NTF3: variants seen among roughly 807,000 people sequenced by gnomAD.
The protein encoded by NTF3 is neurotrophin-3.
Under a neutral mutation model 26.3 loss-of-function variants are expected in NTF3, and 8 were observed. The observed-to-expected ratio is 0.30, with a 90% CI of 0.18 to 0.55. The LOEUF (loss-of-function observed/expected upper bound fraction) is 0.55. Ranked by LOEUF, NTF3 falls within the 20% of genes least tolerant of loss-of-function variation. The probability of loss-of-function intolerance (pLI) is 0.93; values close to 1 mark genes in which losing one functional copy is unlikely to be tolerated. For missense variants in NTF3, 276 were observed against 352.9 expected (o/e 0.78, Z 1.75); for synonymous variants, 154 against 145.5 (o/e 1.06, Z -0.42).
intron 1 of NTF3, among the ~76,000 whole-genome samples, chr12:5,469,518 T>A (rs951719095): frequency 2.0e-5 from 3 of 152,118 alleles, no homozygotes; most frequent in Non-Finnish European, 4.4e-5. Flanking sequence ...ACTGTGATTG[T>A]CACAGTGCAC....
intron 1 of NTF3, among the ~76,000 whole-genome samples, chr12:5,474,696 G>A (rs1315713873): frequency 6.6e-6 from 1 of 152,178 alleles, no homozygotes; most frequent in African/African-American, 2.4e-5. Flanking sequence ...GGGAAGGCTG[G>A]GAGAGGGCAA....
Position 5,494,100 on chromosome 12 carries a change from C to T in NTF3, c.19-94C>T. 1.6e-6 allele frequency: 2 copies of T among 1,240,650 alleles called. No individual in the cohort carries two copies. Among genetic ancestry groups the T allele is most frequent in the Non-Finnish European group, 2.3e-6 (2 of 881,182 alleles). The allele number at this position is 1,240,650 out of a possible 1,614,324, so 76.9% of individuals were successfully genotyped here. A position where few individuals can be genotyped will look rare whatever the true frequency, so the allele number is the denominator to read the frequency against. On this transcript the variant is annotated intron_variant, in intron 1 of 1. Transcript: ENST00000423158. The surrounding 1 kb of genome is among the most constrained non-coding windows in gnomAD (Gnocchi z 8.3). ...TGGGGGGCGGTACCCTCTCTCGTGCCCTCACAGGGCTACTCAGCCTCAGGT... is the reference window on the plus strand; with the variant it reads ...TGGGGGGCGGTACCCTCTCTCGTGCTCTCACAGGGCTACTCAGCCTCAGGT...
chr12:5,459,567 G>A (rs1940500552), intron 1 of NTF3, among the ~76,000 whole-genome samples: 1 of 152,332 alleles, frequency 6.6e-6, no homozygotes, highest in African/African-American at 2.4e-5. Context: ...GGAGGAACGT[G>A]CATATTGCGT....
intron 1 of NTF3, among the ~76,000 whole-genome samples, chr12:5,444,108 G>A (rs1251416495): frequency 6.6e-6 from 1 of 152,172 alleles, no homozygotes; most frequent in Non-Finnish European, 1.5e-5. Context: ...TGGGGCAGCT[G>A]TATAAAGTTA....
At chr12:5,466,263 A>AG (rs1940587723) in intron 1 of NTF3, among the ~76,000 whole-genome samples, 1 of 152,132 alleles carries the variant, frequency 6.6e-6, no homozygotes, top group Non-Finnish European at 1.5e-5. Flanking sequence ...CGGCTAACCC[A>AG]AGTCTGTCCG....
chr12:5,494,211 G>A lies in NTF3; in HGVS notation c.36G>A (p.Lys12=), dbSNP rs780625723. The A allele has an allele frequency of 1.2e-6, 2 of 1,613,580 alleles. No individual in the cohort carries two copies. The highest frequency in any genetic ancestry group is 4.5e-5 in the East Asian group (2 of 44,866). The stretch of plus-strand genomic sequence containing the variant: ...CTTTTCAGATCTTACAGGTGAACAA[G>A]GTGATGTCCATCTTGTTTTATGTGA... ...VTFATILQVN[K]VMSILFYVIF... Residue 12 remains lysine (K), a synonymous_variant, in exon 2 of 2, where the codon AAG becomes AAA. Coordinates refer to ENST00000423158, the MANE Select transcript of NTF3 (RefSeq NM_001102654.2). The surrounding 1 kb of genome is among the most constrained non-coding windows in gnomAD (Gnocchi z 8.3).
intron 1 of NTF3, among the ~76,000 whole-genome samples, chr12:5,440,569 T>A (rs1344351710): frequency 1.3e-5 from 2 of 152,184 alleles, no homozygotes; most frequent in Non-Finnish European, 2.9e-5. Flanking sequence ...GCTCTAGAAA[T>A]CACCTGCTTT....
intron 1 of NTF3, among the ~76,000 whole-genome samples, chr12:5,440,112 C>T (rs1266721576): frequency 6.6e-6 from 1 of 152,170 alleles, no homozygotes; most frequent in Non-Finnish European, 1.5e-5. Flanking sequence ...ATTCCTTCTT[C>T]CTCCACTGAT....
chr12:5,459,008 T>C (rs1591597571), intron 1 of NTF3, among the ~76,000 whole-genome samples: 1 of 152,286 alleles, frequency 6.6e-6, no homozygotes, highest in East Asian at 1.9e-4. Context: ...AAAATCCCAC[T>C]CGCCCTAGAA....
intron 1 of NTF3, among the ~76,000 whole-genome samples, chr12:5,448,738 C>A (rs1940335837): frequency 6.6e-6 from 1 of 152,126 alleles, no homozygotes; most frequent in Non-Finnish European, 1.5e-5. Context: ...GATTCCTAAG[C>A]CTGCCAGAAA....
chr12:5,440,415 T>A (rs1340258163), intron 1 of NTF3, among the ~76,000 whole-genome samples: 1 of 152,170 alleles, frequency 6.6e-6, no homozygotes, highest in Non-Finnish European at 1.5e-5. Flanking sequence ...CCCCAGCATT[T>A]AAAAATATCC....
At position 5,494,963 on chromosome 12, in the gene NTF3, T is replaced by C. The variant is rs1555074663; in HGVS notation, c.788T>C (p.Leu263Ser). The C allele has an allele frequency of 6.2e-7, 1 of 1,614,090 alleles. No homozygotes were observed. Among genetic ancestry groups the C allele is most frequent in the Non-Finnish European group, 8.5e-7 (1 of 1,180,018 alleles). The change falls in exon 2 of 2, where the codon TTG becomes TCG. Residue 263 changes from leucine to serine, a missense_variant. Physicochemically the swap from Leu to Ser is moderately radical, Grantham distance 145 (BLOSUM62 -2). This residue lies in a region of NTF3 where 52 missense variants were observed against 78.4 expected (regional missense o/e 0.66). Coordinates refer to ENST00000423158, the MANE Select transcript of NTF3 (RefSeq NM_001102654.2). The surrounding 1 kb of genome is among the most constrained non-coding windows in gnomAD (Gnocchi z 8.3). ...ATAGACACGTCCTGTGTGTGTGCCT[T>C]GTCGAGAAAAATCGGAAGAACATGA... ...IRIDTSCVCA[L>S]SRKIGRT is the part of the protein sequence containing the mutation.
At chr12:5,473,676 A>G (rs999803127) in intron 1 of NTF3, among the ~76,000 whole-genome samples, 12 of 152,214 alleles carry the variant, frequency 7.9e-5, no homozygotes, top group African/African-American at 2.7e-4. Context: ...AGTTCTGGGC[A>G]AGTCCCTTAC....
chr12:5,472,452 A>G (rs1474824836), intron 1 of NTF3, among the ~76,000 whole-genome samples: 1 of 152,202 alleles, frequency 6.6e-6, no homozygotes, highest in African/African-American at 2.4e-5. Flanking sequence ...GGCTATCATG[A>G]TCAACTTTAA....
At chr12:5,481,204 C>T (rs904402441) in intron 1 of NTF3, among the ~76,000 whole-genome samples, 2 of 152,122 alleles carry the variant, frequency 1.3e-5, no homozygotes, top group African/African-American at 4.8e-5. Flanking sequence ...GCTGGAGGAG[C>T]AATTTGATGC....
chr12:5,461,741 A>T (rs1940529072), intron 1 of NTF3, among the ~76,000 whole-genome samples: 1 of 152,152 alleles, frequency 6.6e-6, no homozygotes, highest in Non-Finnish European at 1.5e-5. Context: ...TGTGTTGAGA[A>T]GGTTTTCTGT....
chr12:5,436,572 A>G (rs1457487367), intron 1 of NTF3, among the ~76,000 whole-genome samples: 1 of 152,206 alleles, frequency 6.6e-6, no homozygotes, highest in African/African-American at 2.4e-5. Flanking sequence ...TTCCCCCATC[A>G]AAACTTGATG....
chr12:5,465,920 A>C (rs1940583687), intron 1 of NTF3, among the ~76,000 whole-genome samples: 1 of 152,244 alleles, frequency 6.6e-6, no homozygotes, highest in Non-Finnish European at 1.5e-5. Flanking sequence ...TTTCCACCAG[A>C]AACTTCTCTT....
chr12:5,482,377 C>T (rs990245971), intron 1 of NTF3, among the ~76,000 whole-genome samples: 2 of 152,280 alleles, frequency 1.3e-5, no homozygotes, highest in South Asian at 4.1e-4. Flanking sequence ...ACTGAGTGCC[C>T]GTGCCTTCGT....
Sources: gnomAD v4.1 joint callset for allele counts (sites outside exome capture counted in the v4.1 genomes callset) on GRCh38, gnomAD v4.1.1 for gene constraint, gnomAD v4.1.1 regional missense constraint, Gnocchi (gnomAD v3.1) non-coding constraint, MANE v1.5 for transcripts, NCBI Gene and HGNC (gene_info 2026-07-23, HGNC 2026-07-21) for gene names.